Variants in CAMK2D observed in about 807,000 individuals in gnomAD.
The protein encoded by CAMK2D is calcium/calmodulin dependent protein kinase II delta.
Under a neutral mutation model 84.0 loss-of-function variants are expected in CAMK2D, and 37 were observed. The observed-to-expected ratio is 0.44, with a 90% CI of 0.34 to 0.58. The LOEUF is 0.58. CAMK2D is among the 20% of genes least tolerant of loss of function. CAMK2D has a pLI of 0.02. For synonymous variants in CAMK2D, 202 were observed against 212.5 expected (o/e 0.95, Z 0.43); for missense variants, 448 against 652.5 (o/e 0.69, Z 3.41).
rs369130565 is a variant in CAMK2D at position 113,465,485 on chromosome 4, T to C, written c.1211+44A>G. 24 of 1,086,690 alleles carry C rather than the reference T, an allele frequency of 2.2e-5. No individual in the cohort carries two copies. In the African/African-American group the frequency reaches 3.6e-4, roughly 16 times the overall value. The allele number at this position is 1,086,690 out of a possible 1,614,324, so 67.3% of individuals were successfully genotyped here. On this transcript the variant is annotated intron_variant, in intron 17 of 20. Coordinates refer to ENST00000511664, the MANE Select transcript of CAMK2D (RefSeq NM_001321571.2). The stretch of plus-strand genomic sequence containing the variant: ...GAATAATGCATTCATATAAAAAATA[T>C]ATTTACCATATGCATGAAAGCAAAG...
chr4:113,671,567 C>G lies in CAMK2D; in HGVS notation c.161-9795G>C, dbSNP rs561695467. Reference sequence around the variant, plus strand: ...TTGTGTTGGGCGACACTGGAGCAAGCATGAACATTTTTGAGATCTAACAAA... The same window carrying G: ...TTGTGTTGGGCGACACTGGAGCAAGGATGAACATTTTTGAGATCTAACAAA... On this transcript the variant is annotated intron_variant, in intron 2 of 20. Transcript: ENST00000511664. Among the ~76,000 whole-genome samples the G allele has an allele frequency of 9.8e-5, 15 of 152,346 alleles. No individual in the cohort carries two copies. In the South Asian group the frequency reaches 2.1e-3, roughly 21 times the overall value.
In CAMK2D at chr4:113,451,397, T is replaced by C; in HGVS notation, c.*3148A>G. ...TTAATGTCAGTGATCAGAATAGTTA[T>C]ACTGCTACCATTTAATTTCTATCAA... On this transcript the variant is annotated 3_prime_UTR_variant, in exon 21 of 21. Transcript: ENST00000511664. The C allele has an allele frequency of 6.6e-6, 1 of 152,238 alleles. No individual in the cohort carries two copies. Among genetic ancestry groups the C allele is most frequent in the South Asian group, 2.1e-4 (1 of 4,830 alleles). 9.4% of individuals were successfully genotyped at this position (152,238 alleles called of 1,614,324 possible).
chr4:113,549,071 G>A (rs1366601549), intron 5 of CAMK2D, among the ~76,000 whole-genome samples: 5 of 152,084 alleles, frequency 3.3e-5, no homozygotes, highest in Admixed American at 1.3e-4. Context: ...AATGTTCTGG[G>A]AAAATTCTTC....
intron 4 of CAMK2D, among the ~76,000 whole-genome samples, chr4:113,566,754 T>A (rs2098726421): frequency 6.6e-6 from 1 of 152,186 alleles, no homozygotes; most frequent in African/African-American, 2.4e-5. Flanking sequence ...CTCACAGATC[T>A]TCTCAACATT....
intron 16 of CAMK2D, among the ~76,000 whole-genome samples, chr4:113,499,923 A>G (rs1289581719): frequency 1.3e-5 from 2 of 152,182 alleles, no homozygotes; most frequent in Non-Finnish European, 2.9e-5. Flanking sequence ...TCATACATGT[A>G]GCTAAAAGAA....
At chr4:113,567,606 A>G (rs2098732067) in intron 4 of CAMK2D, among the ~76,000 whole-genome samples, 1 of 152,210 alleles carries the variant, frequency 6.6e-6, no homozygotes, top group Admixed American at 6.5e-5. Flanking sequence ...AGGTATCTCA[A>G]AGCAAATATG....
intron 4 of CAMK2D, among the ~76,000 whole-genome samples, chr4:113,578,189 C>T (rs1054176345): frequency 8.5e-5 from 13 of 152,196 alleles, no homozygotes; most frequent in Admixed American, 5.2e-4. Flanking sequence ...ATTTTCCCAG[C>T]AATGAAATGT....
rs752640734 is a variant in CAMK2D at position 113,537,454 on chromosome 4, A to C, written c.415-11T>G. The stretch of plus-strand genomic sequence containing the variant: ...AAGCAAATTCTCAGGCTTTATTTAG[A>C]AAGAAAAAAAAAGAGACTGAAGTGA... On this transcript the variant is annotated splice_polypyrimidine_tract_variant and intron_variant, in intron 6 of 20. Transcript: ENST00000511664. 1.4e-6 allele frequency: 2 copies of C among 1,461,710 alleles called. No homozygotes were observed. Among genetic ancestry groups the C allele is most frequent in the East Asian group, 4.5e-5 (2 of 44,234 alleles). 90.5% of individuals were successfully genotyped at this position (1,461,710 alleles called of 1,614,324 possible).
At chr4:113,712,834 T>C (rs992655554) in intron 2 of CAMK2D, among the ~76,000 whole-genome samples, 6 of 152,212 alleles carry the variant, frequency 3.9e-5, no homozygotes, top group African/African-American at 1.4e-4. Flanking sequence ...CTCCATCTTT[T>C]TCCTTCCTTT....
intron 4 of CAMK2D, among the ~76,000 whole-genome samples, chr4:113,601,920 C>T (rs1015242244): frequency 1.3e-5 from 2 of 151,880 alleles, no homozygotes; most frequent in African/African-American, 4.8e-5. Flanking sequence ...TGGTCTCGAA[C>T]TCCTGGGCTT....
At chr4:113,478,691 C>T (rs995931193) in intron 16 of CAMK2D, among the ~76,000 whole-genome samples, 3 of 152,078 alleles carry the variant, frequency 2.0e-5, no homozygotes, top group African/African-American at 7.2e-5. Flanking sequence ...TTTTGTGTAG[C>T]TTAACTTTGT....
Position 113,561,887 on chromosome 4 carries a change from A to G in CAMK2D, c.276-9791T>C, listed in dbSNP as rs565602207. On this transcript the variant is annotated intron_variant, in intron 4 of 20. Transcript: ENST00000511664. ...AGTGTTCTGTTGCCATGTACTACAC[A>G]TATCATCAGACAACAGATTTCTTAT... Among the ~76,000 whole-genome samples the G allele has an allele frequency of 1.1e-4, 16 of 152,344 alleles. 1 individual carries two copies. The South Asian group carries it at 3.3e-3, about 32-fold the overall frequency.
At chr4:113,732,230 C>T (rs747130421) in intron 2 of CAMK2D, among the ~76,000 whole-genome samples, 1 of 151,814 alleles carries the variant, frequency 6.6e-6, no homozygotes, top group South Asian at 2.1e-4. Flanking sequence ...CTAAAGTGAT[C>T]CTCCCACCTC....
intron 2 of CAMK2D, among the ~76,000 whole-genome samples, chr4:113,745,571 C>A (rs990162949): frequency 8.5e-5 from 13 of 152,146 alleles, no homozygotes; most frequent in Admixed American, 2.6e-4. Context: ...AATAGTTTTT[C>A]TCTTCTAATA....
rs750338554 is a variant in CAMK2D at position 113,455,769 on chromosome 4, A to G, written c.1588T>C (p.Trp530Arg). 2 of 1,612,450 alleles carry G rather than the reference A, an allele frequency of 1.2e-6. No individual in the cohort carries two copies. The highest frequency in any genetic ancestry group is 1.1e-5 in the South Asian group (1 of 91,016). The change falls in exon 20 of 21, where the codon TGG (tryptophan) becomes CGG (arginine). Residue 530 changes from tryptophan (W) to arginine (R), a missense_variant. By Grantham distance (101) the Trp-to-Arg change is moderately radical. Coordinates refer to ENST00000511664, the MANE Select transcript of CAMK2D (RefSeq NM_001321571.2). ...GTTTTCAGGCCTTAGATGTTTTGCCACAAAGAGGTGCCTCCTGAGAAGTTT... is the reference window on the plus strand; with the variant it reads ...GTTTTCAGGCCTTAGATGTTTTGCCGCAAAGAGGTGCCTCCTGAGAAGTTT... ...KENFSGGTSLWQNI is the reference protein window; with the variant it reads ...KENFSGGTSLRQNI
At chr4:113,756,357 G>T (rs2149126831) in intron 2 of CAMK2D, among the ~76,000 whole-genome samples, 1 of 151,978 alleles carries the variant, frequency 6.6e-6, no homozygotes, top group South Asian at 2.1e-4. Context: ...GACCTGCCTG[G>T]TCTTTAAAAC....
At chr4:113,608,589 C>T (rs2098987226) in intron 4 of CAMK2D, among the ~76,000 whole-genome samples, 1 of 152,100 alleles carries the variant, frequency 6.6e-6, no homozygotes, top group African/African-American at 2.4e-5. Context: ...AGCACAGTAG[C>T]ACCAAATTGA....
At chr4:113,509,433 T>C (rs984012884) in intron 13 of CAMK2D, among the ~76,000 whole-genome samples, 2 of 152,216 alleles carry the variant, frequency 1.3e-5, no homozygotes, top group Non-Finnish European at 2.9e-5. Context: ...CTATTTCATA[T>C]ATAATCCAAC....
chr4:113,694,484 T>G lies in CAMK2D; in HGVS notation c.161-32712A>C, dbSNP rs144493392. The stretch of plus-strand genomic sequence containing the variant: ...TCTCTATGAATGAAAAAGCCAAGAA[T>G]GGAGTTTATAAGAGGCTCTTATTTG... On this transcript the variant is annotated intron_variant, in intron 2 of 20. Transcript: ENST00000511664. 9.2e-4 allele frequency among the ~76,000 whole-genome samples: 140 copies of G among 152,232 alleles called. 1 individual carries two copies. The highest frequency in any genetic ancestry group is 3.3e-3 in the African/African-American group (135 of 41,520).
Sources: allele counts gnomAD v4.1 joint callset (sites outside exome capture counted in the v4.1 genomes callset), GRCh38; gene constraint gnomAD v4.1.1; transcripts MANE v1.5; gene names NCBI Gene and HGNC (gene_info 2026-07-23, HGNC 2026-07-21).